Variants in CRYZL1 observed in about 807,000 individuals in gnomAD.
CRYZL1 encodes crystallin zeta like 1, also known as ferry endosomal RAB5 effector complex subunit 4.
A neutral mutation model predicts 50.6 loss-of-function variants in CRYZL1; 34 were observed. The observed-to-expected ratio is 0.67, with a 90% CI of 0.51 to 0.89. The LOEUF (loss-of-function observed/expected upper bound fraction) is 0.89. Among genes scored for constraint, CRYZL1 ranks in the 40% least tolerant of loss-of-function variants. The pLI is 0.00. For synonymous variants in CRYZL1, 125 were observed against 134.3 expected (o/e 0.93, Z 0.48); for missense variants, 354 against 402.3 (o/e 0.88, Z 1.03).
At chr21:33,599,068 A>C in intron 9 of CRYZL1, 82 bp downstream of exon 9, 1 of 1,260,664 alleles carries the variant, frequency 7.9e-7, no homozygotes, top group Non-Finnish European at 1.1e-6. Context: ...TGCATTAATA[A>C]TTATGCCCTG....
chr21:33,591,088 A>G, intron 12 of CRYZL1, 74 bp downstream of exon 12: 1 of 1,060,456 alleles, frequency 9.4e-7, no homozygotes, highest in Non-Finnish European at 1.5e-6. Flanking sequence ...CTAAAACAAA[A>G]GTGGGACTGC....
chr21:33,624,402 A>T (rs2087036431), intron 3 of CRYZL1, among the ~76,000 whole-genome samples: 1 of 152,178 alleles, frequency 6.6e-6, no homozygotes, highest in Non-Finnish European at 1.5e-5. Context: ...TACAAAAATT[A>T]GCTGGGTGTG....
chr21:33,613,410 A>T (rs1207652826), intron 6 of CRYZL1, 128 bp downstream of exon 6: 1 of 608,232 alleles, frequency 1.6e-6, no homozygotes, highest in Non-Finnish European at 2.9e-6. Context: ...TTTTACATAC[A>T]TGACTGGCTA....
At chr21:33,614,350 A>G (rs888615682) in intron 5 of CRYZL1, among the ~76,000 whole-genome samples, 1 of 151,720 alleles carries the variant, frequency 6.6e-6, no homozygotes, top group Non-Finnish European at 1.5e-5. Context: ...TTAGTTGGAT[A>G]TCATGGTATG....
intron 1 of CRYZL1, among the ~76,000 whole-genome samples, chr21:33,634,146 C>T (rs1245095103): frequency 2.0e-5 from 3 of 152,180 alleles, no homozygotes; most frequent in African/African-American, 7.2e-5. Flanking sequence ...AATTCTAACG[C>T]TTTGGTTGCA....
At chr21:33,634,950 C>T (rs565394031) in intron 1 of CRYZL1, among the ~76,000 whole-genome samples, 32 of 151,394 alleles carry the variant, frequency 2.1e-4, no homozygotes, top group African/African-American at 6.8e-4. Context: ...AATAGTTTCT[C>T]TAAATTAGGT....
At position 33,626,070 on chromosome 21, in the gene CRYZL1, C is replaced by T. The variant is rs1379079922; in HGVS notation, c.67-1310G>A. Among the ~76,000 whole-genome samples the T allele has an allele frequency of 2.0e-5, 3 of 152,050 alleles. No individual in the cohort carries two copies. In the East Asian group the frequency reaches 5.9e-4, roughly 30 times the overall value. On this transcript the variant is annotated intron_variant, in intron 2 of 12. Coordinates refer to ENST00000381554, the MANE Select transcript of CRYZL1 (RefSeq NM_145858.3). The stretch of plus-strand genomic sequence containing the variant: ...CCGAGTTCAAGTGATTCTCCTGCCT[C>T]AGCCTCCTGAGTAGCTGGGATTACA...
rs1199709801 is a variant in CRYZL1, at chr21:33,597,360, G to A, written c.718C>T (p.Gln240Ter). The change falls in exon 10 of 13, where the codon CAA becomes TAA. Residue 240 changes from glutamine (Q) to a stop codon, truncating the protein, a stop_gained. Coordinates refer to ENST00000381554, the MANE Select transcript of CRYZL1 (RefSeq NM_145858.3). LOFTEE classifies it high-confidence loss of function. The stretch of plus-strand genomic sequence containing the variant: ...ATATCATGTTTATGTGGTAGTAGTT[G>A]TAGTTTTACAGCTGGTTCATCATCT... ...SKDDEPAVKL[Q>*]LLPHKHDIIT... 4 of 1,605,224 alleles carry A rather than the reference G, an allele frequency of 2.5e-6. No homozygotes were observed. The highest frequency in any genetic ancestry group is 1.3e-5 in the African/African-American group (1 of 74,830).
intron 1 of CRYZL1, among the ~76,000 whole-genome samples, chr21:33,640,605 T>C (rs2145971831): frequency 6.6e-6 from 1 of 152,286 alleles, no homozygotes; most frequent in African/African-American, 2.4e-5. Flanking sequence ...ATTATTTCTG[T>C]AAATTGGGCA....
At chr21:33,632,576 C>T (rs1683256364) in intron 1 of CRYZL1, among the ~76,000 whole-genome samples, 2 of 151,868 alleles carry the variant, frequency 1.3e-5, no homozygotes, top group African/African-American at 4.8e-5. Flanking sequence ...TGGGGATTCA[C>T]CACGTTGGCC....
chr21:33,590,874 C>T (rs1032461399), intron 12 of CRYZL1, among the ~76,000 whole-genome samples: 2 of 152,204 alleles, frequency 1.3e-5, no homozygotes, highest in Non-Finnish European at 2.9e-5. Context: ...GGAAAACTCA[C>T]AAGCCACTTC....
intron 3 of CRYZL1, among the ~76,000 whole-genome samples, chr21:33,622,760 C>T (rs568865261): frequency 2.0e-5 from 3 of 152,150 alleles, no homozygotes; most frequent in South Asian, 2.1e-4. Flanking sequence ...AGATGCTGAA[C>T]GTATTTGTAG....
chr21:33,595,571 T>G (rs143664416), intron 11 of CRYZL1, 160 bp downstream of exon 11: 21 of 1,324,218 alleles, frequency 1.6e-5, no homozygotes, highest in Non-Finnish European at 2.2e-5. Context: ...CTCAAAAGGC[T>G]GTTTTAATGT....
chr21:33,618,065 G>A (rs1320525872), intron 4 of CRYZL1, among the ~76,000 whole-genome samples: 1 of 152,074 alleles, frequency 6.6e-6, no homozygotes, highest in African/African-American at 2.4e-5. Flanking sequence ...CGAGGCGGGT[G>A]GATCACGAGG....
At chr21:33,631,605 C>G (rs1314896239) in intron 1 of CRYZL1, 48 bp from the exon 2 acceptor site, 27 of 1,253,258 alleles carry the variant, frequency 2.2e-5, no homozygotes, top group Non-Finnish European at 2.6e-5. Context: ...GTCTTCCAGA[C>G]TAAATGTAAG....
intron 6 of CRYZL1, among the ~76,000 whole-genome samples, chr21:33,611,242 A>G (rs955219204): frequency 1.3e-5 from 2 of 152,172 alleles, no homozygotes; most frequent in Non-Finnish European, 2.9e-5. Context: ...ATAGCTCTGG[A>G]TTAGAGACTC....
At chr21:33,638,939 T>C (rs997957989) in intron 1 of CRYZL1, among the ~76,000 whole-genome samples, 16 of 152,184 alleles carry the variant, frequency 1.1e-4, no homozygotes, top group Non-Finnish European at 1.9e-4. Flanking sequence ...ACCATTTAGT[T>C]CTCTTCTAAT....
intron 2 of CRYZL1, among the ~76,000 whole-genome samples, chr21:33,629,965 G>GT (rs1311580206): frequency 6.6e-6 from 1 of 152,072 alleles, no homozygotes; most frequent in African/African-American, 2.4e-5. Context: ...TCATTATATG[G>GT]TTTTTCTGTA....
Position 33,595,796 on chromosome 21 carries a change from G to T in CRYZL1, c.839C>A (p.Ala280Glu). The part of the protein sequence containing the change: ...PDSHCLFLKG[A>E]TLAFLNDEVW... ...TTCATCATTCAGGAAAGCTAACGTT[G>T]CTCCCTTGAGGAAAAGGCAGTGGCT... Residue 280 changes from alanine (A) to glutamate (E), a missense_variant, in exon 11 of 13, where the codon GCA becomes GAA. Transcript: ENST00000381554. 6.2e-7 allele frequency: 1 copy of T among 1,614,002 alleles called. No individual in the cohort carries two copies. Among genetic ancestry groups the T allele is most frequent in the Non-Finnish European group, 8.5e-7 (1 of 1,179,880 alleles).
Sources: allele counts gnomAD v4.1 joint callset (sites outside exome capture counted in the v4.1 genomes callset), GRCh38; gene constraint gnomAD v4.1.1; transcripts MANE v1.5; gene names NCBI Gene and HGNC (gene_info 2026-07-23, HGNC 2026-07-21).